Variants in NIBAN1 observed in about 807,000 individuals in gnomAD.
NIBAN1 encodes the protein protein Niban 1.
Under a neutral mutation model 75.1 loss-of-function variants are expected in NIBAN1, and 81 were observed. That is an observed-to-expected ratio of 1.08 (90% CI 0.90 to 1.30). The LOEUF is 1.30. Ranked by LOEUF, NIBAN1 falls within the 50% of genes most tolerant of loss-of-function variation. NIBAN1 has a pLI of 0.00. For missense variants in NIBAN1, 1,133 were observed against 1,128.1 expected, an observed-to-expected ratio of 1.00 and a Z score of -0.06; for synonymous variants, 436 against 424.8, an observed-to-expected ratio of 1.03 and a Z score of -0.32.
chr1:184,807,575 G>C (rs904595920), intron 10 of NIBAN1, among the ~76,000 whole-genome samples: 5 of 152,080 alleles, frequency 3.3e-5, no homozygotes, highest in African/African-American at 1.2e-4. Flanking sequence ...TTCACTTGAG[G>C]TCAAGAGTTT....
At chr1:184,899,559 C>T (rs905122347) in intron 1 of NIBAN1, among the ~76,000 whole-genome samples, 2 of 152,112 alleles carry the variant, frequency 1.3e-5, no homozygotes, top group African/African-American at 4.8e-5. Context: ...TTCACAGACC[C>T]TAAGGACTAA....
chr1:184,822,316 G>A (rs1462026100), intron 8 of NIBAN1, among the ~76,000 whole-genome samples: 1 of 152,172 alleles, frequency 6.6e-6, no homozygotes, highest in Non-Finnish European at 1.5e-5. Context: ...GCCATCTAAG[G>A]TCTCTTGTAT....
At chr1:184,917,686 T>C (rs1018328015) in intron 1 of NIBAN1, among the ~76,000 whole-genome samples, 4 of 152,024 alleles carry the variant, frequency 2.6e-5, no homozygotes, top group Non-Finnish European at 5.9e-5. Flanking sequence ...CCTCCTCCTG[T>C]CCACCTCAAA....
chr1:184,833,363 T>C (rs974172475), intron 5 of NIBAN1, among the ~76,000 whole-genome samples: 1 of 151,264 alleles, frequency 6.6e-6, no homozygotes, highest in Non-Finnish European at 1.5e-5. Flanking sequence ...AGCAAAACTA[T>C]TCACAGTGAG....
chr1:184,929,441 G>A (rs2102029741), intron 1 of NIBAN1, among the ~76,000 whole-genome samples: 1 of 152,222 alleles, frequency 6.6e-6, no homozygotes, highest in East Asian at 1.9e-4. Context: ...AAATCATAAT[G>A]TTTTAAATGC....
chr1:184,931,602 CA>C (rs1162797255), intron 1 of NIBAN1, among the ~76,000 whole-genome samples: 1 of 152,138 alleles, frequency 6.6e-6, no homozygotes, highest in Non-Finnish European at 1.5e-5. Flanking sequence ...AGAATGACCA[CA>C]ATTCTGTATT....
intron 1 of NIBAN1, among the ~76,000 whole-genome samples, chr1:184,953,739 AAAT>A (rs1487245056): frequency 6.6e-6 from 1 of 152,232 alleles, no homozygotes; most frequent in Non-Finnish European, 1.5e-5. Context: ...TGGAAGTGCC[AAAT>A]AATGATACCG....
chr1:184,971,835 G>T (rs186867336), intron 1 of NIBAN1, among the ~76,000 whole-genome samples: 2 of 152,296 alleles, frequency 1.3e-5, no homozygotes, highest in East Asian at 3.9e-4. Flanking sequence ...AATTTATTCT[G>T]TTGTAAGAAA....
chr1:184,950,855 A>G (rs1164708221), intron 1 of NIBAN1, among the ~76,000 whole-genome samples: 3 of 152,242 alleles, frequency 2.0e-5, no homozygotes, highest in African/African-American at 4.8e-5. Flanking sequence ...TTTGGTGCTG[A>G]AAATTACTTG....
chr1:184,862,061 A>G lies in NIBAN1; in HGVS notation c.601+22572T>C, dbSNP rs1571526928. ...CACAGTTCAAAGAAAGGAAAGAACA[A>G]TAAGATTGACCTGGCCTTTTCCTTG... On this transcript the variant is annotated intron_variant, in intron 5 of 13. Transcript: ENST00000367511. Among the ~76,000 whole-genome samples the G allele has an allele frequency of 5.9e-5, 9 of 152,332 alleles. No individual in the cohort carries two copies. The South Asian group carries it at 1.7e-3, about 28-fold the overall frequency.
At chr1:184,821,596 G>A (rs1043518686) in intron 8 of NIBAN1, 11 of 152,082 alleles carry the variant, frequency 7.2e-5, no homozygotes, top group South Asian at 4.1e-4. Flanking sequence ...TGGATACACC[G>A]GAGCCACAGA....
chr1:184,889,156 A>C (rs1049351609), intron 4 of NIBAN1, among the ~76,000 whole-genome samples: 1 of 152,352 alleles, frequency 6.6e-6, no homozygotes, highest in East Asian at 1.9e-4. Flanking sequence ...ATGAATCTCT[A>C]TGAATTGCCT....
intron 1 of NIBAN1, among the ~76,000 whole-genome samples, chr1:184,935,623 T>C (rs1657935947): frequency 6.6e-6 from 1 of 152,106 alleles, no homozygotes; most frequent in African/African-American, 2.4e-5. Context: ...ATATATTTTT[T>C]TAAATGTGAA....
intron 1 of NIBAN1, among the ~76,000 whole-genome samples, chr1:184,911,104 C>T (rs1657230662): frequency 6.6e-6 from 1 of 151,264 alleles, no homozygotes; most frequent in South Asian, 2.1e-4. Context: ...TATATATATC[C>T]CATTAGTTAT....
chr1:184,961,082 T>TTTTTTTTTTTTC (rs1172177521), intron 1 of NIBAN1, among the ~76,000 whole-genome samples: 1 of 137,116 alleles, frequency 7.3e-6, no homozygotes, highest in Non-Finnish European at 1.6e-5. Flanking sequence ...TTTTTTTTTT[T>TTTTTTTTTTTTC]TTTTCAGACG....
chr1:184,890,055 T>C, intron 4 of NIBAN1, 53 bp downstream of exon 4: 1 of 1,360,556 alleles, frequency 7.3e-7, no homozygotes, highest in South Asian at 1.2e-5. Flanking sequence ...CTGCTCCAGC[T>C]AAACAAAGAA....
At chr1:184,852,662 C>A (rs1457400715) in intron 5 of NIBAN1, among the ~76,000 whole-genome samples, 2 of 152,184 alleles carry the variant, frequency 1.3e-5, no homozygotes, top group Non-Finnish European at 2.9e-5. Flanking sequence ...ACTGAAAGTA[C>A]CGTCAGTTGT....
At position 184,865,862 on chromosome 1, in the gene NIBAN1, A is replaced by G. The variant is rs1371511847; in HGVS notation, c.601+18771T>C. On this transcript the variant is annotated intron_variant, in intron 5 of 13. Transcript: ENST00000367511. ...AGAAAAAAAGTTGTAAAGCTGATGG[A>G]AAATGAAAAATAAACAAGTAACTGC... is the stretch of plus-strand genomic sequence containing the variant. Among the ~76,000 whole-genome samples, 8 of 152,242 alleles carry G rather than the reference A, an allele frequency of 5.3e-5. No homozygotes were observed. In the East Asian group the frequency reaches 1.5e-3, roughly 29 times the overall value.
chr1:184,892,225 C>T (rs866025916), intron 3 of NIBAN1, among the ~76,000 whole-genome samples: 12 of 152,200 alleles, frequency 7.9e-5, no homozygotes, highest in African/African-American at 2.7e-4. Context: ...CAGCCATATG[C>T]TAAATGCTTC....
Sources: gnomAD v4.1 joint callset for allele counts (sites outside exome capture counted in the v4.1 genomes callset) on GRCh38, gnomAD v4.1.1 for gene constraint, MANE v1.5 for transcripts, NCBI Gene and HGNC (gene_info 2026-07-23, HGNC 2026-07-21) for gene names.